The following EMSY variants were observed in gnomAD, a reference collection of about 807,000 sequenced individuals.
EMSY encodes BRCA2-interacting transcriptional repressor EMSY.
EMSY carries 26 observed loss-of-function variants against 134.6 expected under a neutral mutation model. The observed-to-expected ratio is 0.19, with a 90% CI of 0.14 to 0.27. The LOEUF (loss-of-function observed/expected upper bound fraction) is 0.27. Among genes scored for constraint, EMSY ranks in the 10% least tolerant of loss-of-function variants. The pLI is 1.00. For missense variants in EMSY, 1,305 were observed against 1,611.4 expected, an observed-to-expected ratio of 0.81 and a Z score of 3.26; for synonymous variants, 579 against 577.8, an observed-to-expected ratio of 1.00 and a Z score of -0.03.
At chr11:76,506,331 T>A (rs2135999748) in intron 9 of EMSY, among the ~76,000 whole-genome samples, 1 of 152,208 alleles carries the variant, frequency 6.6e-6, no homozygotes, top group East Asian at 1.9e-4. Flanking sequence ...AAGACTTAAA[T>A]ACAAAAATTA....
chr11:76,530,155 G>GTT (rs61227279), intron 14 of EMSY, among the ~76,000 whole-genome samples: 10,398 of 114,222 alleles, frequency 0.091, 1,168 homozygotes, highest in African/African-American at 0.26. Flanking sequence ...AATCTTTAGG[G>GTT]TTTTTTTTTT....
intron 2 of EMSY, among the ~76,000 whole-genome samples, chr11:76,450,534 C>T (rs571171479): frequency 1.9e-4 from 29 of 151,738 alleles, no homozygotes; most frequent in Admixed American, 1.0e-3. Flanking sequence ...CTCTGTCACC[C>T]AGGCTGAAGT....
At chr11:76,459,635 A>G in intron 5 of EMSY, 1 of 277,838 alleles carries the variant, frequency 3.6e-6, no homozygotes, top group Non-Finnish European at 6.9e-6. Flanking sequence ...ATGAGTGAAA[A>G]TTATTTTCAT....
In EMSY at chr11:76,472,244, T is replaced by A. The variant is rs558870749; in HGVS notation, c.832-320T>A. 4.6e-5 allele frequency among the ~76,000 whole-genome samples: 7 copies of A among 152,344 alleles called. No individual in the cohort carries two copies. The East Asian group carries it at 1.3e-3, about 29-fold the overall frequency. ...TGCTCAATAAATATTTATAAACGAA[T>A]GAATGTTTAAATTACTTTCTAGAAA... On this transcript the variant is annotated intron_variant, in intron 7 of 20. Coordinates refer to ENST00000334736, the Ensembl canonical transcript of EMSY.
At chr11:76,497,922 A>C (rs2135837644) in intron 9 of EMSY, among the ~76,000 whole-genome samples, 1 of 152,248 alleles carries the variant, frequency 6.6e-6, no homozygotes, top group South Asian at 2.1e-4. Flanking sequence ...GATTCAAGAC[A>C]TACTCTCTTT....
intron 14 of EMSY, among the ~76,000 whole-genome samples, chr11:76,531,878 T>C (rs957333552): frequency 6.6e-5 from 10 of 152,296 alleles, no homozygotes; most frequent in Middle Eastern, 6.8e-3. Context: ...GGACTACGTA[T>C]GCCAAGAGAA....
intron 4 of EMSY, among the ~76,000 whole-genome samples, chr11:76,456,233 G>T (rs769898591): frequency 1.3e-5 from 2 of 152,144 alleles, no homozygotes; most frequent in Non-Finnish European, 2.9e-5. Context: ...AGGAATTTCT[G>T]ATCTAATTCT....
intron 8 of EMSY, among the ~76,000 whole-genome samples, chr11:76,479,655 G>C (rs936890104): frequency 6.6e-6 from 1 of 152,232 alleles, no homozygotes; most frequent in Admixed American, 6.5e-5. Flanking sequence ...AGAAAGACAA[G>C]CTGTTGGAGA....
chr11:76,485,574 A>C (rs1343565544), intron 8 of EMSY, among the ~76,000 whole-genome samples: 2 of 152,134 alleles, frequency 1.3e-5, no homozygotes, highest in Admixed American at 1.3e-4. Flanking sequence ...TTTATCACAA[A>C]CCCACAGCCA....
intron 14 of EMSY, among the ~76,000 whole-genome samples, chr11:76,532,390 G>A (rs1951075733): frequency 6.8e-6 from 1 of 147,516 alleles, no homozygotes; most frequent in African/African-American, 2.5e-5. Flanking sequence ...CTAACCTTGT[G>A]AGTGGGCCTT....
intron 9 of EMSY, among the ~76,000 whole-genome samples, chr11:76,512,713 T>C: frequency 6.7e-6 from 1 of 150,098 alleles, no homozygotes; most frequent in Non-Finnish European, 1.5e-5. Context: ...AAGAAAAATT[T>C]AGAAAATGTA....
intron 13 of EMSY, 86 bp downstream of exon 14, chr11:76,526,721 T>A: frequency 7.9e-7 from 1 of 1,272,694 alleles, no homozygotes; most frequent in Admixed American, 2.3e-5. Flanking sequence ...AAGGAAAAGA[T>A]CAGCAATCTT....
exon 12 of EMSY, chr11:76,523,173 C>G: frequency 6.2e-7 from 1 of 1,612,740 alleles, no homozygotes; most frequent in Non-Finnish European, 8.5e-7. Flanking sequence ...ACCAAAATCA[C>G]TACAATCCCA....
intron 8 of EMSY, among the ~76,000 whole-genome samples, chr11:76,495,579 A>G (rs1450726683): frequency 6.6e-6 from 1 of 152,204 alleles, no homozygotes; most frequent in Non-Finnish European, 1.5e-5. Context: ...ACCTCATATA[A>G]TCAGAATCTT....
chr11:76,467,853 G>A (rs571115029), intron 7 of EMSY, among the ~76,000 whole-genome samples: 16 of 152,040 alleles, frequency 1.1e-4, no homozygotes, highest in African/African-American at 3.6e-4. Flanking sequence ...TTAGCCGGGC[G>A]TGGTGGCACA....
At chr11:76,470,365 T>C (rs562228399) in intron 7 of EMSY, among the ~76,000 whole-genome samples, 7 of 152,338 alleles carry the variant, frequency 4.6e-5, no homozygotes, top group Non-Finnish European at 1.0e-4. Context: ...TTCTAAATAA[T>C]TTTTGTGTTC....
downstream of EMSY, chr11:76,552,604 A>G (rs1241212656): frequency 6.6e-6 from 1 of 152,192 alleles, no homozygotes; most frequent in Non-Finnish European, 1.5e-5. Flanking sequence ...AGTATTGCAG[A>G]TGCAGTTTAT....
At chr11:76,464,816 A>G (rs1206290165) in intron 7 of EMSY, among the ~76,000 whole-genome samples, 4 of 152,190 alleles carry the variant, frequency 2.6e-5, no homozygotes, top group Non-Finnish European at 4.4e-5. Context: ...GGTAGACTGC[A>G]AATTTCTTTA....
chr11:76,522,345 T>C (rs1950671350), intron 11 of EMSY, among the ~76,000 whole-genome samples: 1 of 148,920 alleles, frequency 6.7e-6, no homozygotes. Flanking sequence ...GTATATCGTT[T>C]ACTTTGCTTT....
Sources: allele counts gnomAD v4.1 joint callset (sites outside exome capture counted in the v4.1 genomes callset), GRCh38; gene constraint gnomAD v4.1.1; transcripts MANE v1.5; gene names NCBI Gene and HGNC (gene_info 2026-07-23, HGNC 2026-07-21).